The following YLPM1 variants were observed in gnomAD, a reference collection of about 807,000 sequenced individuals.
YLPM1 encodes the protein YLP motif containing 1, also known as YLP motif-containing protein 1.
A neutral mutation model predicts 230.0 loss-of-function variants in YLPM1; 99 were observed. The observed-to-expected ratio is 0.43, with a 90% CI of 0.37 to 0.51. The LOEUF (loss-of-function observed/expected upper bound fraction) is 0.51, where lower values mean the gene tolerates loss of function less well. Ranked by LOEUF, YLPM1 falls within the 20% of genes least tolerant of loss-of-function variation. YLPM1 has a pLI of 0.00. For missense variants in YLPM1, 2,592 were observed against 2,707.7 expected (o/e 0.96, Z 0.95); for synonymous variants, 984 against 942.5 (o/e 1.04, Z -0.81).
At chr14:74,796,009 G>A (rs1174092537) in intron 4 of YLPM1, among the ~76,000 whole-genome samples, 1 of 152,200 alleles carries the variant, frequency 6.6e-6, no homozygotes, top group Non-Finnish European at 1.5e-5. Context: ...CAGAAGATGT[G>A]CAAATCATTT....
chr14:74,797,051 A>C (rs2091269571), intron 4 of YLPM1, among the ~76,000 whole-genome samples: 1 of 138,556 alleles, frequency 7.2e-6, no homozygotes, highest in Admixed American at 7.8e-5. Context: ...AGCTCACTGC[A>C]ACCTCTGCCT....
chr14:74,799,628 G>C lies in YLPM1; in HGVS notation c.4331G>C (p.Gly1444Ala). Residue 1444 changes from glycine to alanine, a missense_variant, in exon 5 of 21, where the codon GGG (glycine) becomes GCG (alanine). By Grantham distance (60) the Gly-to-Ala change is moderately conservative. Coordinates refer to ENST00000325680, the MANE Select transcript of YLPM1 (RefSeq NM_019589.3). ...ASLDSDQGLG[G>A]VMVLSQRQHE... ...TTAGACTCTGACCAAGGCCTTGGAG[G>C]GGTAATGGTTCTCAGTCAGAGGCAG... 1 of 1,613,922 alleles carries C rather than the reference G, an allele frequency of 6.2e-7. No homozygotes were observed. Among genetic ancestry groups the C allele is most frequent in the East Asian group, 2.2e-5 (1 of 44,880 alleles).
chr14:74,835,855 T>G lies in YLPM1; in HGVS notation c.*117T>G, dbSNP rs886078142. The G allele has an allele frequency of 4.4e-6, 2 of 456,480 alleles. No homozygotes were observed. The highest frequency in any genetic ancestry group is 8.8e-6 in the Non-Finnish European group (2 of 226,902). 28.3% of individuals were successfully genotyped at this position (456,480 alleles called of 1,614,324 possible). ...CACCTTGCTTCCACGTTTCAGTTCT[T>G]GTTTTGTTTCTACTGCTTTAGTTTT... On this transcript the variant is annotated 3_prime_UTR_variant, in exon 21 of 21. Transcript: ENST00000325680.
In YLPM1 at chr14:74,774,515, C is replaced by G. The variant is rs1410871045; in HGVS notation, c.874-3932C>G. Among the ~76,000 whole-genome samples, 6 of 130,132 alleles carry G rather than the reference C, an allele frequency of 4.6e-5. No individual in the cohort carries two copies. The East Asian group carries it at 1.6e-3, about 35-fold the overall frequency. 85.4% of individuals were successfully genotyped at this position (130,132 alleles called of 152,430 possible). On this transcript the variant is annotated intron_variant, in intron 1 of 20. Coordinates refer to ENST00000325680, the MANE Select transcript of YLPM1 (RefSeq NM_019589.3). Reference sequence around the variant, plus strand: ...CCGCCTCCTGGGTTCATGCCATTCTCCTGCCTCAGCCTCCCAAGTAGCTGG... The same window carrying G: ...CCGCCTCCTGGGTTCATGCCATTCTGCTGCCTCAGCCTCCCAAGTAGCTGG...
At chr14:74,806,182 C>A (rs1042700900) in intron 6 of YLPM1, among the ~76,000 whole-genome samples, 8 of 151,562 alleles carry the variant, frequency 5.3e-5, no homozygotes, top group African/African-American at 1.9e-4. Context: ...CATGGTGAAA[C>A]CCCGTCTCTA....
chr14:74,764,272 G>A lies in YLPM1; in HGVS notation c.783G>A (p.Gln261=), dbSNP rs779815537. The change falls in exon 1 of 21, where the codon CAG becomes CAA. Residue 261 remains glutamine, a synonymous_variant. Coordinates refer to ENST00000325680, the MANE Select transcript of YLPM1 (RefSeq NM_019589.3). ...CCCCTGGAAATAAGACAACTGTCCA[G>A]CAAGAGCCTTTGGAGAGTGGGGCCA... The part of the protein sequence containing the change: ...SAPPGNKTTV[Q]QEPLESGAKN... The A allele has an allele frequency of 1.9e-6, 3 of 1,613,728 alleles. No homozygotes were observed. The South Asian group carries it at 3.3e-5, about 18-fold the overall frequency.
chr14:74,789,605 T>C (rs1212185736), intron 4 of YLPM1, among the ~76,000 whole-genome samples: 3 of 150,336 alleles, frequency 2.0e-5, no homozygotes, highest in South Asian at 2.1e-4. Flanking sequence ...TTCTTTCTTT[T>C]CTTTTTTTTT....
Position 74,798,149 on chromosome 14 carries a change from C to T in YLPM1, c.2852C>T (p.Pro951Leu). 2 of 1,613,982 alleles carry T rather than the reference C, an allele frequency of 1.2e-6. No individual in the cohort carries two copies. The highest frequency in any genetic ancestry group is 1.7e-6 in the Non-Finnish European group (2 of 1,179,894). ...CAGCCTGTACCCCTTGCGAATAAGC[C>T]TGTACCTGCTCAATCTACTTTTCCT... is the stretch of plus-strand genomic sequence containing the variant. ...VTQPVPLANK[P>L]VPAQSTFPSK... Residue 951 changes from proline (P) to leucine (L), a missense_variant, in exon 5 of 21, where the codon CCT (proline) becomes CTT (leucine). Physicochemically the swap from Pro to Leu is moderately conservative, Grantham distance 98. This residue lies in a region of YLPM1 where 1,862 missense variants were observed against 1,819.8 expected (regional missense o/e 1.02). Coordinates refer to ENST00000325680, the MANE Select transcript of YLPM1 (RefSeq NM_019589.3).
intron 1 of YLPM1, 33 bp from the exon 2 acceptor site, chr14:74,778,414 A>G (rs1402524053): frequency 2.6e-6 from 4 of 1,548,262 alleles, no homozygotes; most frequent in Non-Finnish European, 3.5e-6. Context: ...CATGATTGTC[A>G]ATCAAAATTC....
intron 17 of YLPM1, chr14:74,821,951 C>CT (rs1402940677): frequency 1.3e-5 from 2 of 152,132 alleles, no homozygotes; most frequent in South Asian, 2.1e-4. Context: ...AATGAGAACT[C>CT]TGATTCCTAC....
chr14:74,811,431 C>T (rs923744063), intron 9 of YLPM1, among the ~76,000 whole-genome samples, 189 bp from the exon 10 acceptor site: 6 of 151,688 alleles, frequency 4.0e-5, no homozygotes, highest in East Asian at 1.9e-4. Flanking sequence ...TGCAGTGAGC[C>T]GAGATCACGC....
intron 6 of YLPM1, among the ~76,000 whole-genome samples, chr14:74,807,260 A>T (rs1356238920): frequency 6.6e-6 from 1 of 152,228 alleles, no homozygotes; most frequent in Admixed American, 6.5e-5. Flanking sequence ...GTCAATAAAG[A>T]AAAAACATCC....
chr14:74,798,254 G>C lies in YLPM1; in HGVS notation c.2957G>C (p.Gly986Ala), dbSNP rs779035292. 6.2e-7 allele frequency: 1 copy of C among 1,613,924 alleles called. No individual in the cohort carries two copies. Among genetic ancestry groups the C allele is most frequent in the Non-Finnish European group, 8.5e-7 (1 of 1,179,886 alleles). The change falls in exon 5 of 21, where the codon GGT becomes GCT. Residue 986 changes from glycine to alanine, a missense_variant. Gly to Ala is a moderately conservative substitution (Grantham distance 60). This residue lies in a region of YLPM1 where 1,862 missense variants were observed against 1,819.8 expected (regional missense o/e 1.02). Coordinates refer to ENST00000325680, the MANE Select transcript of YLPM1 (RefSeq NM_019589.3). The stretch of plus-strand genomic sequence containing the variant: ...GCAGATAATGATTTTAAACCTGTGG[G>C]TATTGGTCTACCCCATTCAGAAAAC... The part of the protein sequence containing the change: ...LTADNDFKPV[G>A]IGLPHSENNQ...
intron 16 of YLPM1, 99 bp downstream of exon 16, chr14:74,818,413 T>C: frequency 4.1e-6 from 4 of 969,546 alleles, no homozygotes; most frequent in Non-Finnish European, 2.9e-6. Flanking sequence ...ATATGAATAG[T>C]ATTCATACAA....
rs1566733110 is a variant in YLPM1, at chr14:74,764,243, G to C, written c.754G>C (p.Ala252Pro). The C allele has an allele frequency of 2.5e-6, 4 of 1,612,996 alleles. No homozygotes were observed. Among genetic ancestry groups the C allele is most frequent in the African/African-American group, 1.3e-5 (1 of 74,624 alleles). Residue 252 changes from alanine to proline, a missense_variant, in exon 1 of 21, where the codon GCC (alanine) becomes CCC (proline). Ala to Pro is a conservative substitution (Grantham distance 27, BLOSUM62 -1). Around this residue, in one of 4 missense-constraint regions of YLPM1, gnomAD observed 1,862 missense variants for 1,819.8 expected, o/e 1.02. Coordinates refer to ENST00000325680, the MANE Select transcript of YLPM1 (RefSeq NM_019589.3). ...SQLLAPPPPS[A>P]PPGNKTTVQQ... ...ACTACTAGCTCCACCACCACCGTCCGCCCCCCCTGGAAATAAGACAACTGT... is the reference window on the plus strand; with the variant it reads ...ACTACTAGCTCCACCACCACCGTCCCCCCCCCCTGGAAATAAGACAACTGT...
At chr14:74,795,396 G>A (rs964355734) in intron 4 of YLPM1, among the ~76,000 whole-genome samples, 1 of 152,124 alleles carries the variant, frequency 6.6e-6, no homozygotes, top group African/African-American at 2.4e-5. Flanking sequence ...GAATTTATTA[G>A]TCTTCATTGA....
At chr14:74,816,841 A>G (rs2091482070) in intron 13 of YLPM1, 90 bp from the exon 14 acceptor site, 1 of 1,450,548 alleles carries the variant, frequency 6.9e-7, no homozygotes, top group Non-Finnish European at 9.1e-7. Flanking sequence ...AAAGACTACA[A>G]AGTCATCTCT....
At chr14:74,825,048 A>G (rs968297347) in intron 18 of YLPM1, among the ~76,000 whole-genome samples, 1 of 152,206 alleles carries the variant, frequency 6.6e-6, no homozygotes, top group Admixed American at 6.5e-5. Context: ...ATTAATAAAA[A>G]TCTAAAACAA....
intron 1 of YLPM1, among the ~76,000 whole-genome samples, chr14:74,772,217 CTTTTTTTTTTTT>C (rs543491337): frequency 7.2e-6 from 1 of 138,774 alleles, no homozygotes; most frequent in Non-Finnish European, 1.6e-5. Context: ...CAACATCTTT[CTTTTTTTTTTTT>C]TTTTCTCAGA....
Sources: allele counts gnomAD v4.1 joint callset (sites outside exome capture counted in the v4.1 genomes callset), GRCh38; gene constraint gnomAD v4.1.1; regional missense constraint gnomAD v4.1.1; transcripts MANE v1.5; gene names NCBI Gene and HGNC (gene_info 2026-07-23, HGNC 2026-07-21).